FBL: variants seen among roughly 807,000 people sequenced by gnomAD.
FBL encodes rRNA 2'-O-methyltransferase fibrillarin.
In FBL, 10 loss-of-function variants were observed where a neutral mutation model predicts 42.2. That is an observed-to-expected ratio of 0.24 (90% CI 0.15 to 0.40). The LOEUF is 0.40. FBL is among the 10% of genes least tolerant of loss of function. The probability of loss-of-function intolerance (pLI) is 1.00; values close to 1 mark genes in which losing one functional copy is unlikely to be tolerated. For missense variants in FBL, 351 were observed against 439.2 expected (o/e 0.80, Z 1.79); for synonymous variants, 165 against 165.4 (o/e 1.00, Z 0.02).
intron 1 of FBL, among the ~76,000 whole-genome samples, chr19:39,843,262 G>A (rs1373021142): frequency 6.6e-6 from 1 of 152,170 alleles, no homozygotes; most frequent in East Asian, 1.9e-4. Flanking sequence ...TGAGCACTGA[G>A]CTGATGACTC....
intron 1 of FBL, among the ~76,000 whole-genome samples, chr19:39,841,306 T>C (rs1568541787): frequency 2.0e-5 from 3 of 152,134 alleles, no homozygotes; most frequent in African/African-American, 7.2e-5. Flanking sequence ...TCCTCCTGCC[T>C]TGGCCTCCTG....
At chr19:39,839,547 T>C (rs75590124) in intron 4 of FBL, among the ~76,000 whole-genome samples, 8 of 152,074 alleles carry the variant, frequency 5.3e-5, no homozygotes, top group Non-Finnish European at 1.2e-4. Flanking sequence ...TTCACCGAAC[T>C]AACTAAATAC....
At chr19:39,839,673 G>A (rs1349555036) in intron 4 of FBL, among the ~76,000 whole-genome samples, 1 of 152,140 alleles carries the variant, frequency 6.6e-6, no homozygotes, top group East Asian at 1.9e-4. Flanking sequence ...AGGGGCCAGG[G>A]AGGGGCTGAA....
At chr19:39,837,609 C>T in intron 6 of FBL, 102 bp downstream of exon 6, 1 of 1,079,420 alleles carries the variant, frequency 9.3e-7, no homozygotes, top group South Asian at 1.6e-5. Flanking sequence ...AAGAGGTCTG[C>T]TCATCCACTC....
At chr19:39,844,940 G>C (rs1289059835) in intron 1 of FBL, among the ~76,000 whole-genome samples, 2 of 152,160 alleles carry the variant, frequency 1.3e-5, no homozygotes, top group Middle Eastern at 3.4e-3. Flanking sequence ...TGGAAGAACG[G>C]GTATCCTCCA....
chr19:39,846,164 A>AG, intron 1 of FBL, 127 bp downstream of exon 1: 2 of 1,103,150 alleles, frequency 1.8e-6, no homozygotes, highest in South Asian at 2.6e-5. Context: ...CCCTTCCCAC[A>AG]GGAGACTGGA....
At chr19:39,843,983 A>G (rs749135155) in intron 1 of FBL, among the ~76,000 whole-genome samples, 2 of 152,158 alleles carry the variant, frequency 1.3e-5, no homozygotes, top group Non-Finnish European at 2.9e-5. Context: ...TTTTCCAGTT[A>G]GTTCTTTTTT....
In FBL at chr19:39,846,333, G is replaced by C. The variant is rs568646907; in HGVS notation, c.-33C>G. On this transcript the variant is annotated 5_prime_UTR_variant, in exon 1 of 9. Coordinates refer to ENST00000221801, the MANE Select transcript of FBL (RefSeq NM_001436.4). Reference sequence around the variant, plus strand: ...CCTGGTTTGTGCGGCTCCGGAGTCCGCGGCGTTCACAACTCCACGAGTCCG... The same window carrying C: ...CCTGGTTTGTGCGGCTCCGGAGTCCCCGGCGTTCACAACTCCACGAGTCCG... The C allele has an allele frequency of 6.2e-7, 1 of 1,612,266 alleles. No individual in the cohort carries two copies. Among genetic ancestry groups the C allele is most frequent in the Non-Finnish European group, 8.5e-7 (1 of 1,179,316 alleles).
chr19:39,843,314 T>G (rs982629457), intron 1 of FBL, among the ~76,000 whole-genome samples: 2 of 152,124 alleles, frequency 1.3e-5, no homozygotes, highest in African/African-American at 4.8e-5. Flanking sequence ...CACCCTCTAT[T>G]TGTTCAGAAA....
chr19:39,840,656 CTCCTCCTCGTCCACG>C lies in FBL; in HGVS notation c.127_141del (p.Arg43_Gly47del). 1.2e-6 allele frequency: 2 copies of C among 1,611,014 alleles called. No homozygotes were observed. The highest frequency in any genetic ancestry group is 3.3e-4 in the Middle Eastern group (2 of 6,052). On this transcript the variant is annotated inframe_deletion, in exon 2 of 9. Coordinates refer to ENST00000221801, the MANE Select transcript of FBL (RefSeq NM_001436.4). The surrounding 1 kb of genome is among the most constrained non-coding windows in gnomAD (Gnocchi z 4.5). Reference sequence around the variant, plus strand: ...CCTCCACCGCCGCCGCCGCCTCCACCTCCTCCTCGTCCACGACCTCTAAAGCCTCCGCCTCGACCT... The same window carrying C: ...CCTCCACCGCCGCCGCCGCCTCCACCACCTCTAAAGCCTCCGCCTCGACCT...
In FBL at chr19:39,834,656, G is replaced by A. The variant is rs776624868; in HGVS notation, c.941+12C>T. 6.2e-7 allele frequency: 1 copy of A among 1,614,092 alleles called. No individual in the cohort carries two copies. Among genetic ancestry groups the A allele is most frequent in the East Asian group, 2.2e-5 (1 of 44,886 alleles). On this transcript the variant is annotated intron_variant, in intron 8 of 8. Transcript: ENST00000221801. Reference sequence around the variant, plus strand: ...GATGTCTGTCTTGGTGTATTGCTGGGCCCCTGCTCACCTGTACACTCCCAC... The same window carrying A: ...GATGTCTGTCTTGGTGTATTGCTGGACCCCTGCTCACCTGTACACTCCCAC...
chr19:39,838,706 T>C (rs966064885), intron 5 of FBL: 4 of 216,774 alleles, frequency 1.8e-5, no homozygotes, highest in Admixed American at 5.3e-5. Flanking sequence ...CTCCTGGTTC[T>C]TTCTAAAGAA....
At chr19:39,843,906 GTC>G (rs1421122391) in intron 1 of FBL, among the ~76,000 whole-genome samples, 1 of 152,118 alleles carries the variant, frequency 6.6e-6, no homozygotes, top group East Asian at 1.9e-4. Context: ...AGGGGTACGC[GTC>G]TCCTCTTCCC....
intron 1 of FBL, among the ~76,000 whole-genome samples, chr19:39,843,232 T>C (rs112191626): frequency 9.3e-4 from 142 of 152,334 alleles, no homozygotes; most frequent in South Asian, 8.7e-3. Flanking sequence ...GCACAAAGTA[T>C]GGGCTCAATA....
chr19:39,837,075 A>G (rs1319017300), intron 6 of FBL, among the ~76,000 whole-genome samples: 1 of 152,234 alleles, frequency 6.6e-6, no homozygotes, highest in Non-Finnish European at 1.5e-5. Flanking sequence ...CAAGTTGCAG[A>G]ACAAAGGGGA....
chr19:39,837,909 C>A, intron 5 of FBL, 66 bp from the exon 6 acceptor site: 1 of 1,382,720 alleles, frequency 7.2e-7, no homozygotes, highest in Non-Finnish European at 1.0e-6. Flanking sequence ...CTACTTTAGG[C>A]CCATACACTA....
At chr19:39,841,342 C>G (rs1045846521) in intron 1 of FBL, among the ~76,000 whole-genome samples, 3 of 152,078 alleles carry the variant, frequency 2.0e-5, no homozygotes, top group African/African-American at 7.2e-5. Context: ...AGGTGTCAGG[C>G]ACCACACCCA....
intron 4 of FBL, 142 bp from the exon 5 acceptor site, chr19:39,839,347 A>C: frequency 1.6e-6 from 1 of 639,304 alleles, no homozygotes; most frequent in African/African-American, 1.8e-5. Flanking sequence ...GTGACCATGC[A>C]CATGCAGTCG....
intron 1 of FBL, among the ~76,000 whole-genome samples, chr19:39,841,302 T>C (rs1461774831): frequency 6.6e-6 from 1 of 152,138 alleles, no homozygotes. Flanking sequence ...GTGATCCTCC[T>C]GCCTTGGCCT....
Sources: allele counts gnomAD v4.1 joint callset (sites outside exome capture counted in the v4.1 genomes callset), GRCh38; gene constraint gnomAD v4.1.1; non-coding constraint Gnocchi (gnomAD v3.1); transcripts MANE v1.5; gene names NCBI Gene and HGNC (gene_info 2026-07-23, HGNC 2026-07-21).